NR4A3: variants seen among roughly 807,000 people sequenced by gnomAD.
The protein encoded by NR4A3 is chondrosarcoma, extraskeletal myxoid, fused to EWS.
Under a neutral mutation model 55.6 loss-of-function variants are expected in NR4A3, and 13 were observed. The ratio of observed to expected loss-of-function variants is 0.23; its 90% CI spans 0.15 to 0.37. The LOEUF is 0.37. Among genes scored for constraint, NR4A3 ranks in the 10% least tolerant of loss-of-function variants. NR4A3 has a pLI of 1.00. For missense variants in NR4A3, 646 were observed against 822.8 expected, an observed-to-expected ratio of 0.79 and a Z score of 2.63; for synonymous variants, 342 against 357.9, an observed-to-expected ratio of 0.96 and a Z score of 0.50.
At chr9:99,823,348 T>A (rs544182366) in intron 1 of NR4A3, among the ~76,000 whole-genome samples, 110 of 152,118 alleles carry the variant, frequency 7.2e-4, no homozygotes, top group Non-Finnish European at 1.3e-3. Context: ...CTCGGGGCAG[T>A]GGTGAGGAAG....
At chr9:99,846,478 G>A (rs966851713) in intron 6 of NR4A3, among the ~76,000 whole-genome samples, 5 of 152,202 alleles carry the variant, frequency 3.3e-5, no homozygotes, top group African/African-American at 9.7e-5. Flanking sequence ...TATCATGAAA[G>A]AAGAATGAGA....
At chr9:99,829,307 C>T (rs1039781581) in intron 3 of NR4A3, among the ~76,000 whole-genome samples, 6 of 152,158 alleles carry the variant, frequency 3.9e-5, no homozygotes, top group Non-Finnish European at 7.4e-5. Context: ...AATGCAAAAA[C>T]CTCATTGCTT....
In NR4A3 at chr9:99,865,053, A is replaced by C. The variant is rs1828072471; in HGVS notation, c.*1186A>C. The C allele has an allele frequency of 4.9e-6, 1 of 203,586 alleles. No individual in the cohort carries two copies. The highest frequency in any genetic ancestry group is 2.3e-5 in the African/African-American group (1 of 43,688). The allele number at this position is 203,586 out of a possible 1,614,324, so 12.6% of individuals were successfully genotyped here. On this transcript the variant is annotated 3_prime_UTR_variant, in exon 8 of 8. Coordinates refer to ENST00000395097, the MANE Select transcript of NR4A3 (RefSeq NM_006981.4). The surrounding 1 kb of genome is among the most constrained non-coding windows in gnomAD (Gnocchi z 4.3). ...ATGAGTGTGAGTACTAGGAAGGATT[A>C]GTGGGCTGCGTTTCAACATTCCGTG...
intron 7 of NR4A3, among the ~76,000 whole-genome samples, chr9:99,853,340 T>TTA (rs1554692394): frequency 6.8e-6 from 1 of 147,368 alleles, no homozygotes; most frequent in Non-Finnish European, 1.5e-5. Flanking sequence ...TTTTTTTTTT[T>TTA]ATTATACTCT....
intron 7 of NR4A3, among the ~76,000 whole-genome samples, chr9:99,861,509 CAAGG>C (rs746293759): frequency 1.4e-4 from 21 of 151,336 alleles, no homozygotes; most frequent in Admixed American, 5.3e-4. Context: ...GAGACTCTGT[CAAGG>C]AAGGAAGGAA....
At chr9:99,850,390 C>T (rs1321454929) in intron 7 of NR4A3, among the ~76,000 whole-genome samples, 1 of 152,208 alleles carries the variant, frequency 6.6e-6, no homozygotes, top group Non-Finnish European at 1.5e-5. Flanking sequence ...TGGAAATTGA[C>T]AGATATCTAA....
chr9:99,828,310 C>G lies in NR4A3; in HGVS notation c.268C>G (p.Arg90Gly), dbSNP rs765342845. ...GCCCTTGATCAAAGTGGAGGAGGGG[C>G]GGGCGCCCAGCTACCATCACCATCA... Reference protein sequence around the residue: ...QRPLIKVEEGRAPSYHHHHHH... With the variant: ...QRPLIKVEEGGAPSYHHHHHH... Residue 90 changes from arginine (R) to glycine (G), a missense_variant, in exon 3 of 8, where the codon CGG (arginine) becomes GGG (glycine). By Grantham distance (125) the Arg-to-Gly change is moderately radical. This residue lies in a region of NR4A3 where 426 missense variants were observed against 429.4 expected (regional missense o/e 0.99). Coordinates refer to ENST00000395097, the MANE Select transcript of NR4A3 (RefSeq NM_006981.4). This position sits in a 1 kb window ranked among gnomAD's most constrained non-coding sequence, Gnocchi z 7.7. The G allele has an allele frequency of 6.2e-7, 1 of 1,612,726 alleles. No homozygotes were observed.
chr9:99,852,423 G>A (rs1827864932), intron 7 of NR4A3, among the ~76,000 whole-genome samples: 1 of 152,206 alleles, frequency 6.6e-6, no homozygotes, highest in Non-Finnish European at 1.5e-5. Flanking sequence ...CTCTGGTGAT[G>A]AGTGGTGAGA....
chr9:99,844,587 C>T, intron 5 of NR4A3, 62 bp from the exon 6 acceptor site: 1 of 1,403,134 alleles, frequency 7.1e-7, no homozygotes, highest in East Asian at 2.3e-5. Flanking sequence ...GGCCTGTTTG[C>T]AAGTGATGCC....
chr9:99,838,734 A>G (rs1827601766), intron 5 of NR4A3, among the ~76,000 whole-genome samples: 1 of 152,194 alleles, frequency 6.6e-6, no homozygotes, highest in African/African-American at 2.4e-5. Context: ...TAAAATGCAG[A>G]TTCCCAGGCC....
rs138766573 is a variant in NR4A3 at position 99,824,347 on chromosome 9, G to A, written c.-176-1312G>A. On this transcript the variant is annotated intron_variant, in intron 1 of 7. Coordinates refer to ENST00000395097, the MANE Select transcript of NR4A3 (RefSeq NM_006981.4). ...CGCTTGAAAGGCCCTCAGGGAATGC[G>A]GGACGGGAATGCGGGCACCCACTGA... 2.3e-4 allele frequency among the ~76,000 whole-genome samples: 35 copies of A among 152,330 alleles called. No individual in the cohort carries two copies. The East Asian group carries it at 6.6e-3, about 29-fold the overall frequency.
chr9:99,846,457 T>C (rs1366443609), intron 6 of NR4A3, among the ~76,000 whole-genome samples: 1 of 152,162 alleles, frequency 6.6e-6, no homozygotes, highest in Admixed American at 6.5e-5. Context: ...ACCTGGAAGT[T>C]CCAGGGCACC....
chr9:99,865,703 CA>C lies in NR4A3; in HGVS notation c.*1839del. 9.9e-6 allele frequency: 2 copies of C among 201,234 alleles called. No individual in the cohort carries two copies. The highest frequency in any genetic ancestry group is 2.1e-5 in the Non-Finnish European group (2 of 97,540). 12.5% of individuals were successfully genotyped at this position (201,234 alleles called of 1,614,324 possible). A position where few individuals can be genotyped will look rare whatever the true frequency, so the allele number is the denominator to read the frequency against. ...ATTGTCATTAAATTATACAATCAAA[CA>C]AATGCCAAATGAATTGCCTAATTGC... On this transcript the variant is annotated 3_prime_UTR_variant, in exon 8 of 8. Coordinates refer to ENST00000395097, the MANE Select transcript of NR4A3 (RefSeq NM_006981.4). The surrounding 1 kb of genome is among the most constrained non-coding windows in gnomAD (Gnocchi z 4.3).
intron 7 of NR4A3, among the ~76,000 whole-genome samples, chr9:99,853,493 C>A (rs995699924): frequency 2.1e-5 from 2 of 94,626 alleles, no homozygotes; most frequent in African/African-American, 4.1e-5. Flanking sequence ...CCGACCCCAC[C>A]ACAGTCCCCA....
intron 7 of NR4A3, among the ~76,000 whole-genome samples, chr9:99,853,317 A>G (rs1487242629): frequency 1.9e-5 from 2 of 105,266 alleles, no homozygotes; most frequent in Non-Finnish European, 4.1e-5. Context: ...GTGTTAGGGA[A>G]TTTCTTTTTT....
intron 3 of NR4A3, 62 bp from the exon 4 acceptor site, chr9:99,832,626 CT>C: frequency 1.5e-6 from 2 of 1,320,676 alleles, no homozygotes; most frequent in Non-Finnish European, 2.0e-6. Flanking sequence ...TAAAATACAT[CT>C]TGTCAGGTCC....
chr9:99,834,482 A>G (rs1827514091), intron 5 of NR4A3, among the ~76,000 whole-genome samples: 1 of 152,286 alleles, frequency 6.6e-6, no homozygotes, highest in South Asian at 2.1e-4. Flanking sequence ...CTCCTACTTG[A>G]AGGAAAACAA....
At chr9:99,838,565 A>T (rs1265733229) in intron 5 of NR4A3, among the ~76,000 whole-genome samples, 1 of 152,258 alleles carries the variant, frequency 6.6e-6, no homozygotes, top group East Asian at 1.9e-4. Context: ...TAAAGAGATT[A>T]AGCTAAATTC....
intron 5 of NR4A3, among the ~76,000 whole-genome samples, chr9:99,843,867 C>T (rs768179685): frequency 6.6e-6 from 1 of 151,964 alleles, no homozygotes; most frequent in Non-Finnish European, 1.5e-5. Flanking sequence ...GATTCTCGTG[C>T]CTCAGCCTCC....
Sources: allele counts gnomAD v4.1 joint callset (sites outside exome capture counted in the v4.1 genomes callset), GRCh38; gene constraint gnomAD v4.1.1; regional missense constraint gnomAD v4.1.1; non-coding constraint Gnocchi (gnomAD v3.1); transcripts MANE v1.5; gene names NCBI Gene and HGNC (gene_info 2026-07-23, HGNC 2026-07-21).